The following AGBL1 variants were observed in gnomAD, a reference collection of about 807,000 sequenced individuals.
AGBL1 encodes the protein cytosolic carboxypeptidase 4.
A neutral mutation model predicts 118.9 loss-of-function variants in AGBL1; 130 were observed. The ratio of observed to expected loss-of-function variants is 1.09; its 90% CI spans 0.95 to 1.26. The LOEUF (loss-of-function observed/expected upper bound fraction) is 1.26. AGBL1 is among the 50% of genes most tolerant of loss of function. The pLI is 0.00. For missense variants in AGBL1, 1,584 were observed against 1,298.1 expected, an observed-to-expected ratio of 1.22 and a Z score of -3.38; for synonymous variants, 555 against 478.9, an observed-to-expected ratio of 1.16 and a Z score of -2.08.
chr15:86,285,723 G>A (rs1314205831), intron 16 of AGBL1, among the ~76,000 whole-genome samples: 1 of 152,106 alleles, frequency 6.6e-6, no homozygotes, highest in Non-Finnish European at 1.5e-5. Flanking sequence ...GGCATTTGTT[G>A]ATTTGTAATA....
chr15:86,783,265 T>A (rs540160476), intron 22 of AGBL1, among the ~76,000 whole-genome samples: 1 of 152,304 alleles, frequency 6.6e-6, no homozygotes, highest in South Asian at 2.1e-4. Flanking sequence ...TAAGTTCTGG[T>A]CCTCTATTCT....
chr15:86,510,136 A>G (rs4887474), intron 18 of AGBL1, among the ~76,000 whole-genome samples: 66,260 of 151,846 alleles, frequency 0.44, 15,545 homozygotes, highest in East Asian at 0.68. Context: ...TAAAGACCCA[A>G]TCAGCAGAAA....
At chr15:86,178,221 G>A (rs556870744) in intron 5 of AGBL1, among the ~76,000 whole-genome samples, 17 of 152,310 alleles carry the variant, frequency 1.1e-4, no homozygotes, top group African/African-American at 4.1e-4. Context: ...GCTGAGGCAG[G>A]AGAATCCCTT....
At chr15:87,003,623 G>T (rs1046818035) in intron 24 of AGBL1, among the ~76,000 whole-genome samples, 4 of 152,000 alleles carry the variant, frequency 2.6e-5, no homozygotes, top group Non-Finnish European at 5.9e-5. Context: ...TTTTTTGGTT[G>T]GTAAGCTATT....
chr15:86,110,634 T>A (rs539622445), intron 1 of AGBL1, among the ~76,000 whole-genome samples: 1 of 152,152 alleles, frequency 6.6e-6, no homozygotes, highest in Non-Finnish European at 1.5e-5. Context: ...TCTAGTAGAA[T>A]TGGGCCACCA....
intron 24 of AGBL1, among the ~76,000 whole-genome samples, chr15:87,008,212 C>T (rs945551113): frequency 3.9e-5 from 6 of 152,160 alleles, no homozygotes; most frequent in South Asian, 4.1e-4. Context: ...TCTCCCCACC[C>T]GGATCTCATC....
intron 24 of AGBL1, chr15:86,988,116 A>C (rs1257613437): frequency 6.2e-7 from 1 of 1,609,768 alleles, no homozygotes; most frequent in Non-Finnish European, 8.5e-7. Context: ...CTGATTGTAC[A>C]TTGCTTGGGG....
chr15:86,504,002 C>G (rs1416772645), intron 18 of AGBL1, among the ~76,000 whole-genome samples: 1 of 151,518 alleles, frequency 6.6e-6, no homozygotes, highest in Non-Finnish European at 1.5e-5. Flanking sequence ...GTTGTTCTAT[C>G]CATTACTGAA....
chr15:86,924,773 C>T (rs1385758548), intron 23 of AGBL1, among the ~76,000 whole-genome samples: 3 of 151,954 alleles, frequency 2.0e-5, no homozygotes, highest in African/African-American at 7.3e-5. Context: ...CAAACTTTGG[C>T]CACATAAAAA....
intron 18 of AGBL1, among the ~76,000 whole-genome samples, chr15:86,422,769 A>G (rs572433651): frequency 1.4e-4 from 22 of 152,354 alleles, no homozygotes; most frequent in Middle Eastern, 6.8e-3. Context: ...GGAGATCACC[A>G]CTGATCCCAC....
At chr15:86,512,537 T>A (rs1344201418) in intron 18 of AGBL1, among the ~76,000 whole-genome samples, 2 of 151,930 alleles carry the variant, frequency 1.3e-5, no homozygotes, top group East Asian at 3.9e-4. Context: ...TGTTATTACC[T>A]AGATTTCCAA....
At chr15:86,789,057 G>C (rs1008663400) in intron 22 of AGBL1, among the ~76,000 whole-genome samples, 1 of 152,196 alleles carries the variant, frequency 6.6e-6, no homozygotes, top group Non-Finnish European at 1.5e-5. Context: ...GAACCTTCTA[G>C]CTAGAGGAAA....
chr15:86,594,989 C>T (rs2084386479), intron 21 of AGBL1, among the ~76,000 whole-genome samples: 2 of 152,216 alleles, frequency 1.3e-5, no homozygotes, highest in Admixed American at 1.3e-4. Flanking sequence ...CAGCATTTGA[C>T]TAAGTTGGTC....
chr15:86,888,746 T>A (rs1245717096), intron 22 of AGBL1, among the ~76,000 whole-genome samples: 1 of 152,200 alleles, frequency 6.6e-6, no homozygotes, highest in African/African-American at 2.4e-5. Flanking sequence ...TTCATGTCTA[T>A]GTACCTCTAG....
At chr15:86,324,695 CA>C (rs1263592719) in intron 17 of AGBL1, among the ~76,000 whole-genome samples, 1 of 151,716 alleles carries the variant, frequency 6.6e-6, no homozygotes, top group Admixed American at 6.6e-5. Context: ...GTAGCCATAA[CA>C]AAAAAAGTGG....
intron 17 of AGBL1, among the ~76,000 whole-genome samples, chr15:86,367,183 G>A (rs2080901099): frequency 6.6e-6 from 1 of 152,160 alleles, no homozygotes; most frequent in African/African-American, 2.4e-5. Context: ...TAAATCAAAA[G>A]TTTGGGAGAA....
intron 22 of AGBL1, among the ~76,000 whole-genome samples, chr15:86,779,888 G>A (rs2078307998): frequency 6.6e-6 from 1 of 150,790 alleles, no homozygotes; most frequent in Non-Finnish European, 1.5e-5. Context: ...TTTTCTGATT[G>A]AGTTGGAAAA....
intron 21 of AGBL1, among the ~76,000 whole-genome samples, chr15:86,671,658 ATC>A (rs1209347083): frequency 6.6e-6 from 1 of 152,158 alleles, no homozygotes; most frequent in Non-Finnish European, 1.5e-5. Flanking sequence ...CCAAAATAAA[ATC>A]TGTTTTATTT....
intron 24 of AGBL1, among the ~76,000 whole-genome samples, chr15:87,013,222 A>G (rs1028573811): frequency 6.6e-6 from 1 of 152,288 alleles, no homozygotes; most frequent in African/African-American, 2.4e-5. Flanking sequence ...ATCATAAAAA[A>G]CTTTCAAATT....
Sources: allele counts gnomAD v4.1 joint callset (sites outside exome capture counted in the v4.1 genomes callset), GRCh38; gene constraint gnomAD v4.1.1; transcripts MANE v1.5; gene names NCBI Gene and HGNC (gene_info 2026-07-23, HGNC 2026-07-21).